Variants in ARHGEF10L observed in about 807,000 individuals in gnomAD.
ARHGEF10L encodes the protein Rho guanine nucleotide exchange factor 10 like, also known as rho guanine nucleotide exchange factor 10-like protein.
In ARHGEF10L, 69 loss-of-function variants were observed where a neutral mutation model predicts 141.2. The observed-to-expected ratio is 0.49, with a 90% CI of 0.40 to 0.60. The LOEUF (loss-of-function observed/expected upper bound fraction) is 0.60. Among genes scored for constraint, ARHGEF10L ranks in the 20% least tolerant of loss-of-function variants. The pLI is 0.00. For missense variants in ARHGEF10L, 1,482 were observed against 1,734.3 expected (o/e 0.85, Z 2.58); for synonymous variants, 711 against 718.5 (o/e 0.99, Z 0.17).
chr1:17,609,065 G>T (rs978841747), intron 7 of ARHGEF10L, among the ~76,000 whole-genome samples: 6 of 152,242 alleles, frequency 3.9e-5, no homozygotes, highest in South Asian at 2.1e-4. Flanking sequence ...TTACAGGTGT[G>T]AGCCACCATG....
intron 26 of ARHGEF10L, among the ~76,000 whole-genome samples, chr1:17,672,197 G>A (rs1046745831): frequency 3.2e-4 from 8 of 24,938 alleles, no homozygotes; most frequent in Admixed American, 1.5e-3. Context: ...CCCACCCCCC[G>A]CCCCAGCCGC....
Position 17,638,666 on chromosome 1 carries a change from C to T in ARHGEF10L, c.2148C>T (p.Leu716=), listed in dbSNP as rs777326269. Residue 716 remains leucine (L), a synonymous_variant, in exon 20 of 29, where the codon CTC becomes CTT. Transcript: ENST00000361221. ...IHSANKCRLR[L]LLPGKPDKSG... is the part of the protein sequence containing the mutation. ...CGGCCAACAAGTGCCGTCTCAGGCT[C>T]CTGCTTCCTGGGAAACCCGACAAGT... 6.2e-7 allele frequency: 1 copy of T among 1,614,102 alleles called. No individual in the cohort carries two copies. The highest frequency in any genetic ancestry group is 8.5e-7 in the Non-Finnish European group (1 of 1,180,030).
In ARHGEF10L at chr1:17,687,752, G is replaced by A. The variant is rs1484728220; in HGVS notation, c.3184+5G>A. 6.4e-7 allele frequency: 1 copy of A among 1,568,274 alleles called. No homozygotes were observed. Among genetic ancestry groups the A allele is most frequent in the African/African-American group, 1.4e-5 (1 of 73,798 alleles). ...GGACCACCTTCCTCCTGCCAGGTGA[G>A]GCTGCCTCGGGCACGGGGGAGCGGA... On this transcript the variant is annotated splice_donor_5th_base_variant and intron_variant, in intron 27 of 28. Coordinates refer to ENST00000361221, the MANE Select transcript of ARHGEF10L (RefSeq NM_018125.4).
At chr1:17,574,880 T>C (rs2078158316) in intron 1 of ARHGEF10L, among the ~76,000 whole-genome samples, 1 of 152,172 alleles carries the variant, frequency 6.6e-6, no homozygotes. Context: ...CATCCCCTTC[T>C]CTTCCTTCCG....
chr1:17,634,449 T>C (rs2060880051), intron 16 of ARHGEF10L, 99 bp from the exon 17 acceptor site: 1 of 1,585,314 alleles, frequency 6.3e-7, no homozygotes, highest in Non-Finnish European at 8.7e-7. Context: ...CTATTCCCGA[T>C]GCCCAGCCCC....
rs541910518 is a variant in ARHGEF10L, at chr1:17,571,993, G to A, written c.-43-8560G>A. 3.9e-5 allele frequency among the ~76,000 whole-genome samples: 6 copies of A among 152,320 alleles called. No homozygotes were observed. The South Asian group carries it at 1.2e-3, about 32-fold the overall frequency. On this transcript the variant is annotated intron_variant, in intron 1 of 28. Transcript: ENST00000361221. ...TGGCATCAGCTCAGAGGCCAGTTTG[G>A]GGGGGCTCCTCCAGTTGCCCATCTG...
intron 27 of ARHGEF10L, among the ~76,000 whole-genome samples, chr1:17,691,464 C>T (rs566993537): frequency 6.6e-4 from 101 of 151,958 alleles, no homozygotes; most frequent in Non-Finnish European, 1.2e-3. Flanking sequence ...GGTCTCCTGC[C>T]GGTCTCCATG....
At chr1:17,579,311 T>A (rs1368942616) in intron 1 of ARHGEF10L, among the ~76,000 whole-genome samples, 1 of 152,178 alleles carries the variant, frequency 6.6e-6, no homozygotes, top group Non-Finnish European at 1.5e-5. Flanking sequence ...TGAGACACTG[T>A]GCCCGGCTCG....
rs983899175 is a variant in ARHGEF10L at position 17,607,686 on chromosome 1, C to T, written c.434-116C>T. The T allele has an allele frequency of 2.8e-6, 3 of 1,069,006 alleles. No individual in the cohort carries two copies. In the African/African-American group the frequency reaches 5.0e-5, roughly 18 times the overall value. The allele number at this position is 1,069,006 out of a possible 1,614,324, so 66.2% of individuals were successfully genotyped here. A position where few individuals can be genotyped will look rare whatever the true frequency, so the allele number is the denominator to read the frequency against. On this transcript the variant is annotated intron_variant, in intron 6 of 28. Transcript: ENST00000361221. The surrounding 1 kb of genome is among the most constrained non-coding windows in gnomAD (Gnocchi z 4.5). ...GGTAGAGCTGGAGCCCCAGGGCCCC[C>T]ATGTTCTCCCTGACCCCCCCTCGCC... is the stretch of plus-strand genomic sequence containing the variant.
intron 4 of ARHGEF10L, among the ~76,000 whole-genome samples, chr1:17,601,262 G>A (rs1347831695): frequency 6.6e-6 from 1 of 152,048 alleles, no homozygotes; most frequent in Non-Finnish European, 1.5e-5. Flanking sequence ...TGGCACCTGC[G>A]TGGCGTCTCT....
At chr1:17,537,677 T>A (rs1350889097), upstream of ARHGEF10L, among the ~76,000 whole-genome samples, 2 of 151,878 alleles carry the variant, frequency 1.3e-5, no homozygotes, top group Non-Finnish European at 2.9e-5. Context: ...GTAAGGGGCA[T>A]CCTGAGCTGG....
At chr1:17,536,850 A>T (rs1465151888), upstream of ARHGEF10L, among the ~76,000 whole-genome samples, 1 of 152,054 alleles carries the variant, frequency 6.6e-6, no homozygotes, top group Non-Finnish European at 1.5e-5. Context: ...CCGATTTGTT[A>T]AGAGAAGCTA....
intron 7 of ARHGEF10L, among the ~76,000 whole-genome samples, chr1:17,610,740 A>G (rs771766189): frequency 2.0e-5 from 3 of 152,092 alleles, no homozygotes; most frequent in Non-Finnish European, 4.4e-5. Flanking sequence ...CTGTTCTTGG[A>G]GACTGACCAT....
In ARHGEF10L at chr1:17,627,591, A is replaced by AGTGTG; in HGVS notation, c.1584+89_1584+90insTGTGG. On this transcript the variant is annotated intron_variant, in intron 15 of 28. Coordinates refer to ENST00000361221, the MANE Select transcript of ARHGEF10L (RefSeq NM_018125.4). The surrounding 1 kb of genome is among the most constrained non-coding windows in gnomAD (Gnocchi z 4.0). ...GCCCCTGCCCCACGCCACCCACACTAGGTGGCAGTGTTCTCTGAGGGAGGG... is the reference window on the plus strand; with the variant it reads ...GCCCCTGCCCCACGCCACCCACACTAGTGTGGGTGGCAGTGTTCTCTGAGGGAGGG... 2.7e-6 allele frequency: 4 copies of AGTGTG among 1,457,208 alleles called. No individual in the cohort carries two copies. Among genetic ancestry groups the AGTGTG allele is most frequent in the Non-Finnish European group, 3.7e-6 (4 of 1,076,866 alleles). The allele number at this position is 1,457,208 out of a possible 1,614,324, so 90.3% of individuals were successfully genotyped here.
the ARHGEF10L span, among the ~76,000 whole-genome samples, chr1:17,514,180 A>G: frequency 8.8e-6 from 1 of 114,170 alleles, no homozygotes; most frequent in Non-Finnish European, 1.6e-5. Context: ...TCCGTTGCCC[A>G]GGCTGGAGTA....
chr1:17,587,823 T>C lies in ARHGEF10L; in HGVS notation c.223+178T>C, dbSNP rs190141593. On this transcript the variant is annotated intron_variant, in intron 3 of 28. Transcript: ENST00000361221. ...GCTTCCCTGGTGAATTGGAAATTCCTAGCATTCCTGCAACATCTGGCGCAC... is the reference window on the plus strand; with the variant it reads ...GCTTCCCTGGTGAATTGGAAATTCCCAGCATTCCTGCAACATCTGGCGCAC... Among the ~76,000 whole-genome samples the C allele has an allele frequency of 2.1e-3, 320 of 152,352 alleles. 3 individuals carry two copies. Among genetic ancestry groups the C allele is most frequent in the East Asian group, 0.015 (77 of 5,186 alleles).
Position 17,639,627 on chromosome 1 carries a change from CA to C in ARHGEF10L, c.2172-572del. 2.7e-6 allele frequency: 1 copy of C among 368,910 alleles called. No homozygotes were observed. Among genetic ancestry groups the C allele is most frequent in the South Asian group, 2.0e-5 (1 of 49,378 alleles). The allele number at this position is 368,910 out of a possible 1,614,324, so 22.9% of individuals were successfully genotyped here. On this transcript the variant is annotated intron_variant, in intron 20 of 28. Transcript: ENST00000361221. This position sits in a 1 kb window ranked among gnomAD's most constrained non-coding sequence, Gnocchi z 4.3. ...TTGTGACACTGCCCTGCCCACCTCC[CA>C]AAGGGCTGGGAAGGCCCCCACTGCT...
chr1:17,614,687 G>C (rs1234661201), intron 8 of ARHGEF10L, among the ~76,000 whole-genome samples: 1 of 151,072 alleles, frequency 6.6e-6, no homozygotes, highest in East Asian at 2.0e-4. Context: ...TACTCCCCTT[G>C]CCCAACCCCA....
chr1:17,540,479 C>G (rs2076683817), intron 1 of ARHGEF10L, among the ~76,000 whole-genome samples: 1 of 152,022 alleles, frequency 6.6e-6, no homozygotes, highest in African/African-American at 2.4e-5. Flanking sequence ...AGCCGGAGGC[C>G]GTGGCTGCGG....
Sources: gnomAD v4.1 joint callset for allele counts (sites outside exome capture counted in the v4.1 genomes callset) on GRCh38, gnomAD v4.1.1 for gene constraint, Gnocchi (gnomAD v3.1) non-coding constraint, MANE v1.5 for transcripts, NCBI Gene and HGNC (gene_info 2026-07-23, HGNC 2026-07-21) for gene names.